Variants in FHIT observed in about 807,000 individuals in gnomAD.
FHIT encodes bis(5'-adenosyl)-triphosphatase.
FHIT carries 19 observed loss-of-function variants against 17.9 expected under a neutral mutation model. The observed-to-expected ratio is 1.06, with a 90% confidence interval of 0.74 to 1.56. FHIT has a LOEUF of 1.56. Ranked by LOEUF, FHIT falls within the 40% of genes most tolerant of loss-of-function variation. The pLI is 0.00. For missense variants in FHIT, 248 were observed against 189.2 expected (o/e 1.31, Z -1.82); for synonymous variants, 81 against 69.7 (o/e 1.16, Z -0.81).
At chr3:60,576,771 A>T (rs2037579285) in intron 4 of FHIT, among the ~76,000 whole-genome samples, 1 of 152,134 alleles carries the variant, frequency 6.6e-6, no homozygotes, top group South Asian at 2.1e-4. Flanking sequence ...TTTAAAATAG[A>T]AAAGTAATGG....
intron 3 of FHIT, among the ~76,000 whole-genome samples, chr3:60,967,101 C>T (rs977512246): frequency 6.6e-6 from 1 of 152,128 alleles, no homozygotes; most frequent in Admixed American, 6.5e-5. Flanking sequence ...TATAAAAATA[C>T]ATTACCATTA....
At chr3:61,213,719 C>T (rs146115826) in intron 1 of FHIT, among the ~76,000 whole-genome samples, 2,376 of 152,270 alleles carry the variant, frequency 0.016, 40 homozygotes, top group Non-Finnish European at 0.025. Flanking sequence ...TTCAGCACCA[C>T]ACCACACCTA....
intron 2 of FHIT, among the ~76,000 whole-genome samples, chr3:61,054,010 C>T (rs2034124968): frequency 6.6e-6 from 1 of 152,160 alleles, no homozygotes; most frequent in African/African-American, 2.4e-5. Flanking sequence ...GTCATCTGTC[C>T]AGAGGCTTGA....
chr3:61,187,092 T>C (rs1405120043), intron 2 of FHIT, among the ~76,000 whole-genome samples: 1 of 152,176 alleles, frequency 6.6e-6, no homozygotes, highest in Admixed American at 6.5e-5. Context: ...TCCTAGCATA[T>C]TACAGAAGAT....
rs144362704 is a variant in FHIT, at chr3:61,218,050, T to C, written c.-212-17385A>G. ...CCTTAGAGACATCTAAAGGAAAATATCCAGGTAAGCAGTTGGGTAGATGGG... is the reference window on the plus strand; with the variant it reads ...CCTTAGAGACATCTAAAGGAAAATACCCAGGTAAGCAGTTGGGTAGATGGG... On this transcript the variant is annotated intron_variant, in intron 1 of 9. Coordinates refer to ENST00000492590, the MANE Select transcript of FHIT (RefSeq NM_002012.4). Among the ~76,000 whole-genome samples the C allele has an allele frequency of 6.1e-3, 928 of 152,262 alleles. 6 individuals carry two copies. The highest frequency in any genetic ancestry group is 0.011 in the South Asian group (55 of 4,826).
chr3:60,479,040 G>A (rs2033480437), intron 5 of FHIT, among the ~76,000 whole-genome samples: 1 of 152,174 alleles, frequency 6.6e-6, no homozygotes, highest in African/African-American at 2.4e-5. Context: ...GAACATTCAT[G>A]ATGAAACTGT....
At chr3:60,206,162 A>ATT (rs1559727114) in intron 5 of FHIT, among the ~76,000 whole-genome samples, 1 of 121,742 alleles carries the variant, frequency 8.2e-6, no homozygotes, top group African/African-American at 3.3e-5. Context: ...TAATAATAAT[A>ATT]ATAATAATAA....
At chr3:59,810,850 A>G (rs1046101588) in intron 8 of FHIT, among the ~76,000 whole-genome samples, 3 of 152,180 alleles carry the variant, frequency 2.0e-5, no homozygotes, top group Non-Finnish European at 4.4e-5. Context: ...TTTCTGAATT[A>G]ATAAGACTGA....
At chr3:61,232,092 A>ATAC (rs887331769) in intron 1 of FHIT, among the ~76,000 whole-genome samples, 1 of 152,216 alleles carries the variant, frequency 6.6e-6, no homozygotes, top group Admixed American at 6.5e-5. Context: ...AAAGTTAAAC[A>ATAC]TACAATGGGG....
chr3:61,043,240 T>C (rs1187308629), intron 2 of FHIT, among the ~76,000 whole-genome samples: 1 of 152,142 alleles, frequency 6.6e-6, no homozygotes, highest in Non-Finnish European at 1.5e-5. Flanking sequence ...TGGAAAATCA[T>C]AACAACCCCA....
intron 5 of FHIT, among the ~76,000 whole-genome samples, chr3:60,232,813 C>T (rs1247136712): frequency 2.0e-5 from 3 of 152,204 alleles, no homozygotes; most frequent in Admixed American, 2.0e-4. Flanking sequence ...TCATATACAA[C>T]AGAGAGCTCA....
In FHIT at chr3:61,200,677, T is replaced by A. The variant is rs2038984312; in HGVS notation, c.-212-12A>T. The A allele has an allele frequency of 6.6e-6, 1 of 152,632 alleles. No individual in the cohort carries two copies. Among genetic ancestry groups the A allele is most frequent in the African/African-American group, 2.4e-5 (1 of 41,460 alleles). The allele number at this position is 152,632 out of a possible 1,614,324, so 9.5% of individuals were successfully genotyped here. A position where few individuals can be genotyped will look rare whatever the true frequency, so the allele number is the denominator to read the frequency against. On this transcript the variant is annotated splice_polypyrimidine_tract_variant and intron_variant, in intron 1 of 9. Coordinates refer to ENST00000492590, the MANE Select transcript of FHIT (RefSeq NM_002012.4). The stretch of plus-strand genomic sequence containing the variant: ...CCTGAGCTTCAAAGCTACAAAGACA[T>A]AAAAATGAAAGACAGAGTTGTCTGT...
At chr3:60,536,811 G>T (rs1296295424) in intron 5 of FHIT, 49 bp downstream of exon 5, 2 of 1,551,146 alleles carry the variant, frequency 1.3e-6, no homozygotes, top group African/African-American at 1.4e-5. Flanking sequence ...GGCTGGTTAG[G>T]CTCAGAAGAC....
chr3:61,229,095 T>C (rs2040038025), intron 1 of FHIT, among the ~76,000 whole-genome samples: 1 of 152,090 alleles, frequency 6.6e-6, no homozygotes, highest in Non-Finnish European at 1.5e-5. Context: ...CCCTCCAATA[T>C]GTCTGTGTCA....
chr3:60,507,033 G>C (rs1244038892), intron 5 of FHIT, among the ~76,000 whole-genome samples: 1 of 152,116 alleles, frequency 6.6e-6, no homozygotes, highest in African/African-American at 2.4e-5. Flanking sequence ...TCTAGAGGAA[G>C]AAAATGGAAA....
chr3:60,610,841 C>T (rs782309892), intron 4 of FHIT, among the ~76,000 whole-genome samples: 1 of 152,158 alleles, frequency 6.6e-6, no homozygotes, highest in East Asian at 1.9e-4. Flanking sequence ...GAGAGCTTTG[C>T]TTTTCTCTTG....
In FHIT at chr3:60,784,827, C is replaced by G. The variant is rs79532621; in HGVS notation, c.-18+37092G>C. Among the ~76,000 whole-genome samples the G allele has an allele frequency of 6.7e-3, 1,014 of 152,214 alleles. 2 individuals carry two copies. The highest frequency in any genetic ancestry group is 0.017 in the Middle Eastern group (5 of 294). On this transcript the variant is annotated intron_variant, in intron 4 of 9. Coordinates refer to ENST00000492590, the MANE Select transcript of FHIT (RefSeq NM_002012.4). ...GAACCCTTGTGAATGGGATTAGTGC[C>G]CTTATAAGGGGCTGAAAAGACCAGA...
chr3:61,043,984 C>A (rs920988881), intron 2 of FHIT, among the ~76,000 whole-genome samples: 1 of 152,098 alleles, frequency 6.6e-6, no homozygotes, highest in Non-Finnish European at 1.5e-5. Context: ...TGGACGTCAC[C>A]ATCATCAAAG....
intron 5 of FHIT, among the ~76,000 whole-genome samples, chr3:60,282,533 G>A (rs1227110093): frequency 6.6e-6 from 1 of 152,142 alleles, no homozygotes; most frequent in African/African-American, 2.4e-5. Flanking sequence ...TAGAACCACA[G>A]AAGGCCAAGA....
Sources: allele counts gnomAD v4.1 joint callset (sites outside exome capture counted in the v4.1 genomes callset), GRCh38; gene constraint gnomAD v4.1.1; transcripts MANE v1.5; gene names NCBI Gene and HGNC (gene_info 2026-07-23, HGNC 2026-07-21).